The following TM4SF4 variants were observed in gnomAD, a reference collection of about 807,000 sequenced individuals.
The protein encoded by TM4SF4 is transmembrane 4 L six family member 4, also known as transmembrane 4 L6 family member 4.
TM4SF4 carries 24 observed loss-of-function variants against 24.1 expected under a neutral mutation model. The observed-to-expected ratio is 1.00, with a 90% CI of 0.72 to 1.40. The LOEUF (loss-of-function observed/expected upper bound fraction) is 1.40, where lower values mean the gene tolerates loss of function less well. Among genes scored for constraint, TM4SF4 ranks in the 40% most tolerant of loss-of-function variants. The probability of loss-of-function intolerance (pLI) is 0.00; values close to 1 mark genes in which losing one functional copy is unlikely to be tolerated. For missense variants in TM4SF4, 254 were observed against 254.2 expected (o/e 1.00, Z 0.01); for synonymous variants, 113 against 97.0 (o/e 1.17, Z -0.97).
intron 3 of TM4SF4, among the ~76,000 whole-genome samples, chr3:149,494,418 C>G (rs1734274934): frequency 6.6e-6 from 1 of 152,186 alleles, no homozygotes; most frequent in Non-Finnish European, 1.5e-5. Context: ...AGGCCCGAAA[C>G]TCAGGATTGC....
chr3:149,490,420 T>C (rs1445257368), intron 3 of TM4SF4, among the ~76,000 whole-genome samples: 1 of 152,232 alleles, frequency 6.6e-6, no homozygotes, highest in East Asian at 1.9e-4. Context: ...TATTGTTTCA[T>C]TTGATCCTCA....
rs780854141 is a variant in TM4SF4 at position 149,487,671 on chromosome 3, C to T, written c.317C>T (p.Ser106Leu). The T allele has an allele frequency of 8.1e-6, 13 of 1,613,986 alleles. No individual in the cohort carries two copies. Among genetic ancestry groups the T allele is most frequent in the Admixed American group, 1.7e-5 (1 of 60,018 alleles). ...AVVGFLGAGY[S>L]FIISAISINK... ...GTTGGATTCTTGGGAGCTGGATACT[C>T]GTTTATCATCTCAGCCATTTCAATC... Residue 106 changes from serine (S) to leucine (L), a missense_variant, in exon 3 of 5, where the codon TCG (serine) becomes TTG (leucine). Transcript: ENST00000305354.
At chr3:149,483,784 A>T (rs561333075) in intron 2 of TM4SF4, among the ~76,000 whole-genome samples, 1 of 152,192 alleles carries the variant, frequency 6.6e-6, no homozygotes, top group South Asian at 2.1e-4. Context: ...CCATTTATTT[A>T]TATATTACTA....
In TM4SF4 at chr3:149,475,489, T is replaced by C. The variant is rs77813654; in HGVS notation, c.175-334T>C. ...TGATTTCTTTACCTCTGGTTTCCAA[T>C]AGAATTGGGAACCTCCGTTTGAGAG... On this transcript the variant is annotated intron_variant, in intron 1 of 4. Transcript: ENST00000305354. Among the ~76,000 whole-genome samples the C allele has an allele frequency of 2.8e-3, 424 of 152,336 alleles. 6 individuals carry two copies. Among genetic ancestry groups the C allele is most frequent in the African/African-American group, 9.8e-3 (408 of 41,576 alleles).
intron 3 of TM4SF4, chr3:149,494,586 A>G (rs924764862): frequency 3.9e-5 from 6 of 152,172 alleles, no homozygotes; most frequent in African/African-American, 1.4e-4. Flanking sequence ...TGTTGGAAAA[A>G]AAAAGGCATT....
In TM4SF4 at chr3:149,478,898, G is replaced by A. The variant is rs561345465; in HGVS notation, c.264+2986G>A. Among the ~76,000 whole-genome samples, 17 of 152,226 alleles carry A rather than the reference G, an allele frequency of 1.1e-4. No homozygotes were observed. In the East Asian group the frequency reaches 3.3e-3, roughly 29 times the overall value. The stretch of plus-strand genomic sequence containing the variant: ...CCTGCCTTAGCCTCCCGAGTAGCTG[G>A]GATTACAAGTGCTTGCCACCATGCT... On this transcript the variant is annotated intron_variant, in intron 2 of 4. Coordinates refer to ENST00000305354, the MANE Select transcript of TM4SF4 (RefSeq NM_004617.4).
At chr3:149,476,783 T>C (rs577195990) in intron 2 of TM4SF4, among the ~76,000 whole-genome samples, 28 of 150,042 alleles carry the variant, frequency 1.9e-4, no homozygotes, top group African/African-American at 6.8e-4. Context: ...TCTTTCTTTT[T>C]TCTTTTCTGT....
At chr3:149,495,257 G>A in intron 3 of TM4SF4, 1 of 217,664 alleles carries the variant, frequency 4.6e-6, no homozygotes, top group South Asian at 7.8e-5. Flanking sequence ...GAGCCAAGTA[G>A]TAACATGCCT....
intron 2 of TM4SF4, among the ~76,000 whole-genome samples, chr3:149,477,325 T>C (rs1044491979): frequency 2.6e-5 from 4 of 152,222 alleles, no homozygotes; most frequent in Non-Finnish European, 4.4e-5. Flanking sequence ...AAATGAAGCA[T>C]AGTAGAACTG....
At chr3:149,486,886 A>G (rs1005573963) in intron 2 of TM4SF4, among the ~76,000 whole-genome samples, 3 of 152,172 alleles carry the variant, frequency 2.0e-5, no homozygotes, top group Non-Finnish European at 4.4e-5. Context: ...ACTCTTTCTC[A>G]TAAGTAGAAC....
chr3:149,499,543 G>T (rs79045087), intron 4 of TM4SF4, among the ~76,000 whole-genome samples: 1 of 151,994 alleles, frequency 6.6e-6, no homozygotes, highest in East Asian at 1.9e-4. Flanking sequence ...ATCAAATTAG[G>T]CAATTATTCA....
At chr3:149,487,001 C>G (rs1313135013) in intron 2 of TM4SF4, among the ~76,000 whole-genome samples, 1 of 152,172 alleles carries the variant, frequency 6.6e-6, no homozygotes, top group East Asian at 1.9e-4. Context: ...CATCTGTAAT[C>G]CCAGCACTTT....
intron 1 of TM4SF4, among the ~76,000 whole-genome samples, chr3:149,475,531 A>T (rs1377065847): frequency 6.6e-6 from 1 of 152,054 alleles, no homozygotes; most frequent in Non-Finnish European, 1.5e-5. Context: ...AGGGAGAGAG[A>T]CTCACTCTTC....
intron 4 of TM4SF4, 107 bp from the exon 5 acceptor site, chr3:149,502,569 C>A: frequency 1.2e-6 from 1 of 802,468 alleles, no homozygotes; most frequent in South Asian, 1.4e-5. Context: ...AATAGGCAAC[C>A]ATTAAGAGCC....
chr3:149,477,410 A>T (rs1048557385), intron 2 of TM4SF4, among the ~76,000 whole-genome samples: 1 of 152,258 alleles, frequency 6.6e-6, no homozygotes, highest in Admixed American at 6.5e-5. Flanking sequence ...CACCTAAAAG[A>T]TTCATGAACC....
chr3:149,481,601 A>C (rs1426544550), intron 2 of TM4SF4, among the ~76,000 whole-genome samples: 1 of 152,166 alleles, frequency 6.6e-6, no homozygotes, highest in East Asian at 1.9e-4. Flanking sequence ...ACTAAGGAGG[A>C]ATGTCCATGC....
chr3:149,490,257 C>G (rs1734187615), intron 3 of TM4SF4, among the ~76,000 whole-genome samples: 1 of 152,232 alleles, frequency 6.6e-6, no homozygotes, highest in South Asian at 2.1e-4. Flanking sequence ...TTCCTCCCTT[C>G]TGAGACAAGA....
At chr3:149,487,160 C>T (rs1004902180) in intron 2 of TM4SF4, among the ~76,000 whole-genome samples, 4 of 152,148 alleles carry the variant, frequency 2.6e-5, no homozygotes, top group African/African-American at 9.7e-5. Flanking sequence ...GAGGCTGAGG[C>T]AGGAGAATCC....
At chr3:149,491,310 A>G (rs4681513) in intron 3 of TM4SF4, among the ~76,000 whole-genome samples, 11,727 of 145,760 alleles carry the variant, frequency 0.08, 983 homozygotes, top group East Asian at 0.42. Flanking sequence ...AAAAAAAATT[A>G]AAAAATTAGC....
Sources: allele counts gnomAD v4.1 joint callset (sites outside exome capture counted in the v4.1 genomes callset), GRCh38; gene constraint gnomAD v4.1.1; transcripts MANE v1.5; gene names NCBI Gene and HGNC (gene_info 2026-07-23, HGNC 2026-07-21).